RBBP8NL: variants seen among roughly 807,000 people sequenced by gnomAD.
The protein encoded by RBBP8NL is RBBP8 N-terminal-like protein.
Under a neutral mutation model 62.2 loss-of-function variants are expected in RBBP8NL, and 59 were observed. The observed-to-expected ratio is 0.95, with a 90% CI of 0.77 to 1.18. RBBP8NL has a LOEUF of 1.18. Ranked by LOEUF, RBBP8NL falls within the 50% of genes most tolerant of loss-of-function variation. The pLI is 0.00. For synonymous variants in RBBP8NL, 412 were observed against 394.1 expected (o/e 1.05, Z -0.54); for missense variants, 896 against 899.5 (o/e 1.00, Z 0.05).
intron 2 of RBBP8NL, 144 bp downstream of exon 2, chr20:62,419,443 C>T (rs1988651950): frequency 1.2e-6 from 1 of 836,362 alleles, no homozygotes; most frequent in East Asian, 2.7e-5. Flanking sequence ...TCAGGACTCC[C>T]CTGCCTGGGC....
chr20:62,422,171 G>GCCAGC (rs1426005263), intron 1 of RBBP8NL, among the ~76,000 whole-genome samples: 1 of 152,216 alleles, frequency 6.6e-6, no homozygotes, highest in African/African-American at 2.4e-5. Context: ...CCTCGCCACG[G>GCCAGC]CCAGCCCAGC....
At chr20:62,423,511 G>A (rs1217415701) in intron 1 of RBBP8NL, among the ~76,000 whole-genome samples, 1 of 152,198 alleles carries the variant, frequency 6.6e-6, no homozygotes, top group African/African-American at 2.4e-5. Context: ...ACTCCCCCCA[G>A]ACCCGCCCAA....
In RBBP8NL at chr20:62,413,818, T is replaced by C; in HGVS notation, c.1530+3A>G. The C allele has an allele frequency of 6.3e-7, 1 of 1,593,194 alleles. No homozygotes were observed. The highest frequency in any genetic ancestry group is 8.5e-7 in the Non-Finnish European group (1 of 1,171,400). On this transcript the variant is annotated splice_donor_region_variant and intron_variant, in intron 10 of 13. Coordinates refer to ENST00000252998, the MANE Select transcript of RBBP8NL (RefSeq NM_080833.3). Reference sequence around the variant, plus strand: ...GGGTCTGAGCCAGGACCGGGCTCCTTACCATGGGAGTGGAAGCCTCCTCCT... The same window carrying C: ...GGGTCTGAGCCAGGACCGGGCTCCTCACCATGGGAGTGGAAGCCTCCTCCT...
intron 9 of RBBP8NL, 125 bp downstream of exon 9, chr20:62,414,996 C>T (rs1988528662): frequency 4.5e-6 from 5 of 1,121,694 alleles, no homozygotes; most frequent in Non-Finnish European, 6.0e-6. Flanking sequence ...GCTGGGTGCC[C>T]AGAAAAAGCC....
intron 1 of RBBP8NL, among the ~76,000 whole-genome samples, chr20:62,424,708 G>C (rs1474512790): frequency 6.6e-6 from 1 of 152,098 alleles, no homozygotes; most frequent in Non-Finnish European, 1.5e-5. Context: ...TGTGGGCCCT[G>C]CCTGTCCCTC....
chr20:62,417,121 A>T (rs1988585904), intron 4 of RBBP8NL, 103 bp downstream of exon 4: 2 of 881,204 alleles, frequency 2.3e-6, no homozygotes, highest in African/African-American at 3.4e-5. Flanking sequence ...GGTTCAGTTT[A>T]TCCTGGAGTT....
At chr20:62,416,019 C>A in intron 6 of RBBP8NL, 74 bp from the exon 7 acceptor site, 1 of 1,481,682 alleles carries the variant, frequency 6.7e-7, no homozygotes, top group Non-Finnish European at 9.1e-7. Context: ...GCCGGGCCCA[C>A]TCCTGGGTGA....
intron 1 of RBBP8NL, among the ~76,000 whole-genome samples, chr20:62,420,589 G>A (rs1394534529): frequency 6.6e-6 from 1 of 152,108 alleles, no homozygotes; most frequent in Non-Finnish European, 1.5e-5. Flanking sequence ...AACACACAGA[G>A]ACACATAGAC....
chr20:62,416,311 C>T, intron 5 of RBBP8NL, 75 bp from the exon 6 acceptor site: 1 of 1,307,084 alleles, frequency 7.7e-7, no homozygotes, highest in Middle Eastern at 2.4e-4. Flanking sequence ...GTCACAGCAC[C>T]AGGGAAGCCC....
At chr20:62,417,371 C>G in intron 3 of RBBP8NL, 52 bp from the exon 4 acceptor site, 3 of 1,415,054 alleles carry the variant, frequency 2.1e-6, no homozygotes, top group Non-Finnish European at 2.9e-6. Flanking sequence ...GGAAGCCACA[C>G]GCTGTCCCCA....
At chr20:62,422,185 A>G (rs1988715200) in intron 1 of RBBP8NL, among the ~76,000 whole-genome samples, 1 of 152,202 alleles carries the variant, frequency 6.6e-6, no homozygotes, top group Non-Finnish European at 1.5e-5. Context: ...GCCCAGCCCA[A>G]GTGGATCACA....
intron 3 of RBBP8NL, among the ~76,000 whole-genome samples, chr20:62,417,592 G>A (rs546252843): frequency 1.2e-4 from 11 of 93,906 alleles, no homozygotes; most frequent in African/African-American, 4.7e-4. Flanking sequence ...CCTCTGTGAC[G>A]TCTGTTCCGT....
chr20:62,420,495 G>A (rs1033230822), intron 1 of RBBP8NL, among the ~76,000 whole-genome samples: 1 of 151,784 alleles, frequency 6.6e-6, no homozygotes, highest in African/African-American at 2.4e-5. Context: ...ACACCACACA[G>A]CATGTATACA....
At chr20:62,417,153 A>T in intron 4 of RBBP8NL, 71 bp downstream of exon 4, 1 of 1,152,100 alleles carries the variant, frequency 8.7e-7, no homozygotes, top group Non-Finnish European at 1.3e-6. Context: ...TTCTCCGAGG[A>T]GCCCTGTCAC....
rs1359351406 is a variant in RBBP8NL at position 62,416,253 on chromosome 20, T to G, written c.314-17A>C. On this transcript the variant is annotated splice_polypyrimidine_tract_variant and intron_variant, in intron 5 of 13. Transcript: ENST00000252998. ...TCTCGTTGGCTGCAAAAGGCACTGA[T>G]GAGCAAAGCAGCCAGGGGTTGGGGG... is the stretch of plus-strand genomic sequence containing the variant. The G allele has an allele frequency of 2.2e-6, 3 of 1,348,658 alleles. No individual in the cohort carries two copies. Among genetic ancestry groups the G allele is most frequent in the Non-Finnish European group, 3.0e-6 (3 of 1,010,306 alleles). 83.5% of individuals were successfully genotyped at this position (1,348,658 alleles called of 1,614,324 possible). A position where few individuals can be genotyped will look rare whatever the true frequency, so the allele number is the denominator to read the frequency against.
rs377393723 is a variant in RBBP8NL at position 62,416,730 on chromosome 20, G to A, written c.313+30C>T. 6 of 1,497,096 alleles carry A rather than the reference G, an allele frequency of 4.0e-6. No individual in the cohort carries two copies. In the African/African-American group the frequency reaches 8.3e-5, roughly 21 times the overall value. The allele number at this position is 1,497,096 out of a possible 1,614,324, so 92.7% of individuals were successfully genotyped here. A position where few individuals can be genotyped will look rare whatever the true frequency, so the allele number is the denominator to read the frequency against. On this transcript the variant is annotated intron_variant, in intron 5 of 13. Coordinates refer to ENST00000252998, the MANE Select transcript of RBBP8NL (RefSeq NM_080833.3). The stretch of plus-strand genomic sequence containing the variant: ...GGGGTCGCCTGGCCCCGTGGGAGAG[G>A]ACCCCGGTTGTCTGGTGGGTGGGGC...
Position 62,416,250 on chromosome 20 carries a change from T to G in RBBP8NL, c.314-14A>C, listed in dbSNP as rs1420794899. Reference sequence around the variant, plus strand: ...TCATCTCGTTGGCTGCAAAAGGCACTGATGAGCAAAGCAGCCAGGGGTTGG... The same window carrying G: ...TCATCTCGTTGGCTGCAAAAGGCACGGATGAGCAAAGCAGCCAGGGGTTGG... On this transcript the variant is annotated splice_polypyrimidine_tract_variant and intron_variant, in intron 5 of 13. Transcript: ENST00000252998. 2.0e-5 allele frequency: 32 copies of G among 1,567,248 alleles called. No individual in the cohort carries two copies. Among genetic ancestry groups the G allele is most frequent in the Non-Finnish European group, 2.6e-5 (30 of 1,161,374 alleles).
chr20:62,411,717 C>G (rs531948224), intron 13 of RBBP8NL, among the ~76,000 whole-genome samples: 1 of 152,384 alleles, frequency 6.6e-6, no homozygotes, highest in East Asian at 1.9e-4. Flanking sequence ...GGAGCCCCTG[C>G]CAGCGTCCCT....
intron 3 of RBBP8NL, 136 bp from the exon 4 acceptor site, chr20:62,417,455 C>T (rs1381474040): frequency 1.5e-6 from 1 of 652,672 alleles, no homozygotes; most frequent in African/African-American, 1.8e-5. Flanking sequence ...ACCCGGTGCC[C>T]CCCTCCCAGT....
Sources: gnomAD v4.1 joint callset for allele counts (sites outside exome capture counted in the v4.1 genomes callset) on GRCh38, gnomAD v4.1.1 for gene constraint, MANE v1.5 for transcripts, NCBI Gene and HGNC (gene_info 2026-07-23, HGNC 2026-07-21) for gene names.